Variants in LRRC4C observed in about 807,000 individuals in gnomAD.
LRRC4C encodes the protein leucine rich repeat containing 4C.
In LRRC4C, 5 loss-of-function variants were observed where a neutral mutation model predicts 33.6. The ratio of observed to expected loss-of-function variants is 0.15; its 90% CI spans 0.08 to 0.31. The LOEUF (loss-of-function observed/expected upper bound fraction) is 0.31. LRRC4C is among the 10% of genes least tolerant of loss of function. The probability of loss-of-function intolerance (pLI) is 1.00; values close to 1 mark genes in which losing one functional copy is unlikely to be tolerated. For missense variants in LRRC4C, 560 were observed against 796.7 expected (o/e 0.70, Z 3.58); for synonymous variants, 329 against 302.0 (o/e 1.09, Z -0.93).
At chr11:40,244,357 G>T (rs1866164270) in intron 4 of LRRC4C, among the ~76,000 whole-genome samples, 1 of 151,988 alleles carries the variant, frequency 6.6e-6, no homozygotes, top group Non-Finnish European at 1.5e-5. Context: ...ACAGGATAAA[G>T]TTGTTCTCTG....
chr11:40,381,229 GA>G (rs149263163), intron 3 of LRRC4C, among the ~76,000 whole-genome samples: 49,608 of 131,964 alleles, frequency 0.38, 8,807 homozygotes, highest in East Asian at 0.51. Flanking sequence ...ACTTTAAAAT[GA>G]AAAAAAAAAA....
rs145810553 is a variant in LRRC4C at position 41,215,526 on chromosome 11, C to T, written c.-496+243905G>A. ...AAAAAAAAAATTCCATCCACATTGA[C>T]GATGTTTCCACAATCTCCTTGGCTC... On this transcript the variant is annotated intron_variant, in intron 1 of 6. Transcript: ENST00000528697. Among the ~76,000 whole-genome samples the T allele has an allele frequency of 3.4e-3, 515 of 150,728 alleles. 4 individuals are homozygous for T. Among genetic ancestry groups the T allele is most frequent in the African/African-American group, 0.012 (473 of 41,036 alleles).
chr11:40,161,791 G>A lies in LRRC4C; in HGVS notation c.-95-20938C>T, dbSNP rs145116398. Among the ~76,000 whole-genome samples, 951 of 152,140 alleles carry A rather than the reference G, an allele frequency of 6.3e-3. 7 individuals are homozygous for A. The highest frequency in any genetic ancestry group is 0.014 in the Middle Eastern group (4 of 294). On this transcript the variant is annotated intron_variant, in intron 5 of 6. Transcript: ENST00000528697. The stretch of plus-strand genomic sequence containing the variant: ...TTAAAAAGAAAATTAGAGGCAATAA[G>A]TTCTGTCATATAATCTAGGAAAGTG...
At chr11:41,231,003 A>G (rs183309908) in intron 1 of LRRC4C, among the ~76,000 whole-genome samples, 15 of 152,156 alleles carry the variant, frequency 9.9e-5, no homozygotes, top group African/African-American at 3.4e-4. Context: ...ACCAACTGAC[A>G]CATGAAAAGA....
intron 2 of LRRC4C, among the ~76,000 whole-genome samples, chr11:40,916,997 T>G (rs993842308): frequency 1.3e-5 from 2 of 152,128 alleles, no homozygotes; most frequent in Non-Finnish European, 2.9e-5. Context: ...ACTATAATCA[T>G]GGTTTATTTC....
At chr11:41,194,829 C>T (rs1946113609) in intron 1 of LRRC4C, among the ~76,000 whole-genome samples, 2 of 152,062 alleles carry the variant, frequency 1.3e-5, no homozygotes, top group South Asian at 4.1e-4. Context: ...TAATTCACCA[C>T]ATTTATAGTA....
chr11:40,765,679 G>T (rs1192358943), intron 2 of LRRC4C, among the ~76,000 whole-genome samples: 1 of 151,822 alleles, frequency 6.6e-6, no homozygotes, highest in African/African-American at 2.4e-5. Context: ...AAAATGCAAT[G>T]TATATACTAA....
intron 2 of LRRC4C, among the ~76,000 whole-genome samples, chr11:40,726,809 T>C (rs1272709196): frequency 1.3e-5 from 2 of 151,972 alleles, no homozygotes. Context: ...AAAAAAAAAG[T>C]CAAATTATCT....
At chr11:40,651,910 TC>T (rs1942828218) in intron 2 of LRRC4C, among the ~76,000 whole-genome samples, 1 of 152,242 alleles carries the variant, frequency 6.6e-6, no homozygotes, top group African/African-American at 2.4e-5. Flanking sequence ...ATACTGTGGT[TC>T]TGTCATTGAT....
At chr11:41,092,734 C>A (rs1202754980) in intron 1 of LRRC4C, among the ~76,000 whole-genome samples, 5 of 152,204 alleles carry the variant, frequency 3.3e-5, no homozygotes, top group Non-Finnish European at 7.3e-5. Flanking sequence ...CAATATCCTG[C>A]TTTTAGTCTA....
chr11:41,278,824 G>GTT (rs5791431), intron 1 of LRRC4C, among the ~76,000 whole-genome samples: 78 of 140,594 alleles, frequency 5.5e-4, no homozygotes, highest in Non-Finnish European at 8.2e-4. Flanking sequence ...TTTGTTTTGT[G>GTT]TTTTTTTCCC....
At chr11:41,204,283 G>A (rs949925727) in intron 1 of LRRC4C, among the ~76,000 whole-genome samples, 2 of 152,166 alleles carry the variant, frequency 1.3e-5, no homozygotes, top group Admixed American at 6.5e-5. Flanking sequence ...GGCAGAGATG[G>A]CCCTGACAAA....
intron 2 of LRRC4C, among the ~76,000 whole-genome samples, chr11:40,773,786 AAT>A (rs1458849216): frequency 1.3e-5 from 2 of 152,092 alleles, no homozygotes; most frequent in African/African-American, 2.4e-5. Context: ...TGTGGGCTAT[AAT>A]ATATGTTTAT....
intron 1 of LRRC4C, among the ~76,000 whole-genome samples, chr11:41,100,174 T>C (rs1941078633): frequency 6.6e-6 from 1 of 151,960 alleles, no homozygotes; most frequent in South Asian, 2.1e-4. Context: ...GTGAAAGAAC[T>C]CTATAATGAG....
intron 3 of LRRC4C, among the ~76,000 whole-genome samples, chr11:40,340,810 G>A (rs1439744448): frequency 6.6e-6 from 1 of 152,080 alleles, no homozygotes; most frequent in African/African-American, 2.4e-5. Flanking sequence ...AAGACAAAGG[G>A]ATATGTCTCT....
At chr11:40,941,554 G>A (rs926260426) in intron 1 of LRRC4C, among the ~76,000 whole-genome samples, 27 of 152,204 alleles carry the variant, frequency 1.8e-4, no homozygotes, top group African/African-American at 6.5e-4. Context: ...TTTTGGGCAT[G>A]GGGAAGCTAA....
At chr11:41,206,250 G>A (rs1946597370) in intron 1 of LRRC4C, among the ~76,000 whole-genome samples, 1 of 152,144 alleles carries the variant, frequency 6.6e-6, no homozygotes, top group Non-Finnish European at 1.5e-5. Context: ...TAATACAAAT[G>A]TAAGAGGAGA....
At chr11:40,492,578 G>C (rs1463817905) in intron 3 of LRRC4C, among the ~76,000 whole-genome samples, 1 of 152,076 alleles carries the variant, frequency 6.6e-6, no homozygotes, top group Non-Finnish European at 1.5e-5. Flanking sequence ...CACCTAGGCT[G>C]TTGAATAGGC....
At chr11:40,541,997 A>G (rs1181170987) in intron 3 of LRRC4C, among the ~76,000 whole-genome samples, 1 of 151,922 alleles carries the variant, frequency 6.6e-6, no homozygotes, top group Non-Finnish European at 1.5e-5. Flanking sequence ...ACCAAATAAC[A>G]TTGACCCTAT....
Sources: gnomAD v4.1 joint callset for allele counts (sites outside exome capture counted in the v4.1 genomes callset) on GRCh38, gnomAD v4.1.1 for gene constraint, MANE v1.5 for transcripts, NCBI Gene and HGNC (gene_info 2026-07-23, HGNC 2026-07-21) for gene names.